Variants in SPACA1 observed in about 807,000 individuals in gnomAD.
SPACA1 encodes the protein sperm acrosome associated 1.
SPACA1 carries 17 observed loss-of-function variants against 32.6 expected under a neutral mutation model. That is an observed-to-expected ratio of 0.52 (90% CI 0.36 to 0.78). SPACA1 has a LOEUF of 0.78. Ranked by LOEUF, SPACA1 falls within the 30% of genes least tolerant of loss-of-function variation. The pLI is 0.01. For synonymous variants in SPACA1, 140 were observed against 138.1 expected, an observed-to-expected ratio of 1.01 and a Z score of -0.10; for missense variants, 363 against 373.4, an observed-to-expected ratio of 0.97 and a Z score of 0.23.
intron 1 of SPACA1, 63 bp from the exon 2 acceptor site, chr6:88,053,883 A>G: frequency 7.3e-7 from 1 of 1,361,562 alleles, no homozygotes; most frequent in South Asian, 1.2e-5. Flanking sequence ...TCCAAGTAAG[A>G]GGTGTTTCAC....
intron 1 of SPACA1, among the ~76,000 whole-genome samples, chr6:88,050,943 C>T (rs938416016): frequency 6.6e-6 from 1 of 152,064 alleles, no homozygotes; most frequent in Non-Finnish European, 1.5e-5. Context: ...AGGTGGAGAT[C>T]GAGAGCATCC....
chr6:88,062,703 A>G (rs548832328), intron 5 of SPACA1, among the ~76,000 whole-genome samples: 20 of 152,192 alleles, frequency 1.3e-4, no homozygotes, highest in Admixed American at 5.9e-4. Context: ...AATACTAGCT[A>G]CTAGGGAGGC....
At chr6:88,058,676 A>G (rs1477861849) in intron 3 of SPACA1, 40 bp from the exon 4 acceptor site, 4 of 1,425,412 alleles carry the variant, frequency 2.8e-6, no homozygotes, top group African/African-American at 1.4e-5. Flanking sequence ...AAAGCAATTT[A>G]TAATGCCCAA....
At chr6:88,065,499 A>C in intron 6 of SPACA1, among the ~76,000 whole-genome samples, 1 of 148,462 alleles carries the variant, frequency 6.7e-6, no homozygotes. Flanking sequence ...TATATTATAT[A>C]TTACCTCTTC....
chr6:88,047,313 A>T (rs1225675648), upstream of SPACA1, among the ~76,000 whole-genome samples: 1 of 152,204 alleles, frequency 6.6e-6, no homozygotes, highest in Non-Finnish European at 1.5e-5. Flanking sequence ...GGAGTATCAG[A>T]TGATTTCTAA....
In SPACA1 at chr6:88,064,201, T is replaced by A; in HGVS notation, c.713T>A (p.Ile238Asn). The change falls in exon 6 of 7, where the codon ATC (isoleucine) becomes AAC (asparagine). Residue 238 changes from isoleucine (I) to asparagine (N), a missense_variant. By Grantham distance (149) the Ile-to-Asn change is moderately radical. Transcript: ENST00000237201. Reference protein sequence around the residue: ...IICVFIIFLLIFIIINWAAVK... With the variant: ...IICVFIIFLLNFIIINWAAVK... ...TGTGTATTTATAATTTTCTTATTGATCTTCATAATCATAAATTGGTAGGTG... is the reference window on the plus strand; with the variant it reads ...TGTGTATTTATAATTTTCTTATTGAACTTCATAATCATAAATTGGTAGGTG... The A allele has an allele frequency of 6.2e-7, 1 of 1,611,812 alleles. No homozygotes were observed. The highest frequency in any genetic ancestry group is 1.3e-5 in the African/African-American group (1 of 74,898).
At chr6:88,064,335 T>C in intron 6 of SPACA1, 116 bp downstream of exon 6, 2 of 1,051,706 alleles carry the variant, frequency 1.9e-6, no homozygotes, top group Non-Finnish European at 1.3e-6. Flanking sequence ...GCCTTGAAAC[T>C]GTCCATCGCC....
At chr6:88,062,876 A>G (rs1479711794) in intron 5 of SPACA1, among the ~76,000 whole-genome samples, 1 of 152,232 alleles carries the variant, frequency 6.6e-6, no homozygotes, top group South Asian at 2.1e-4. Context: ...TTAGAGAGGT[A>G]TCATAGTCTT....
At chr6:88,065,461 CATATA>C (rs1178095768) in intron 6 of SPACA1, among the ~76,000 whole-genome samples, 2 of 147,652 alleles carry the variant, frequency 1.4e-5, no homozygotes, top group African/African-American at 4.9e-5. Context: ...TATATGTACA[CATATA>C]ATATATATAC....
intron 5 of SPACA1, among the ~76,000 whole-genome samples, chr6:88,061,781 A>G (rs1475116552): frequency 6.6e-6 from 1 of 152,230 alleles, no homozygotes; most frequent in Non-Finnish European, 1.5e-5. Context: ...ACTAATAAGT[A>G]CATAAGCTTA....
chr6:88,064,317 T>A (rs1051534448), intron 6 of SPACA1, 98 bp downstream of exon 6: 22 of 1,267,724 alleles, frequency 1.7e-5, no homozygotes, highest in African/African-American at 4.6e-5. Context: ...TGATGTCTCC[T>A]ACATGTTGCC....
In SPACA1 at chr6:88,066,311, T is replaced by C; in HGVS notation, c.861T>C (p.Asp287=). ...QLPTEMPGED[D]ALSEWNE ...CAACAGAAATGCCTGGTGAAGATGA[T>C]GCTTTAAGTGAATGGAATGAATGAT... Residue 287 remains aspartate, a synonymous_variant, in exon 7 of 7, where the codon GAT becomes GAC. Transcript: ENST00000237201. 1 of 1,611,420 alleles carries C rather than the reference T, an allele frequency of 6.2e-7. No homozygotes were observed.
intron 6 of SPACA1, 96 bp from the exon 7 acceptor site, chr6:88,066,086 C>T (rs765191991): frequency 8.4e-5 from 76 of 902,944 alleles, no homozygotes; most frequent in Middle Eastern, 3.2e-4. Flanking sequence ...CACACACACA[C>T]ATATATATAT....
intron 5 of SPACA1, among the ~76,000 whole-genome samples, chr6:88,060,896 A>C (rs1329973205): frequency 1.3e-5 from 2 of 152,170 alleles, no homozygotes; most frequent in Non-Finnish European, 2.9e-5. Flanking sequence ...AGACCCTAAA[A>C]TGTCAGGCCT....
chr6:88,057,008 T>C (rs1022286760), intron 2 of SPACA1, among the ~76,000 whole-genome samples: 1 of 152,188 alleles, frequency 6.6e-6, no homozygotes, highest in African/African-American at 2.4e-5. Context: ...TAAAATGTGA[T>C]TTTTTATTTT....
intron 5 of SPACA1, among the ~76,000 whole-genome samples, chr6:88,062,137 G>A (rs979191959): frequency 3.3e-5 from 5 of 152,162 alleles, no homozygotes; most frequent in Non-Finnish European, 5.9e-5. Flanking sequence ...AAATATAGAT[G>A]TATTTTCTCT....
intron 3 of SPACA1, among the ~76,000 whole-genome samples, 188 bp downstream of exon 3, chr6:88,057,901 AT>A (rs1052427602): frequency 3.9e-4 from 60 of 152,294 alleles, no homozygotes; most frequent in African/African-American, 1.3e-3. Context: ...TTTGCTTCAC[AT>A]TTTTTCAGAG....
At chr6:88,063,960 C>T (rs1775935905) in intron 5 of SPACA1, 139 bp from the exon 6 acceptor site, 1 of 927,706 alleles carries the variant, frequency 1.1e-6, no homozygotes. Context: ...ACATGCAGAG[C>T]AAGATCATTA....
At chr6:88,061,766 A>G (rs1410406057) in intron 5 of SPACA1, among the ~76,000 whole-genome samples, 2 of 152,172 alleles carry the variant, frequency 1.3e-5, no homozygotes, top group Non-Finnish European at 2.9e-5. Context: ...TGGTGGTCCT[A>G]GGAAACTAAT....
Sources: gnomAD v4.1 joint callset for allele counts (sites outside exome capture counted in the v4.1 genomes callset) on GRCh38, gnomAD v4.1.1 for gene constraint, MANE v1.5 for transcripts, NCBI Gene and HGNC (gene_info 2026-07-23, HGNC 2026-07-21) for gene names.